The following COG2 variants were observed in gnomAD, a reference collection of about 807,000 sequenced individuals.
COG2 encodes the protein component of oligomeric golgi complex 2.
Under a neutral mutation model 90.6 loss-of-function variants are expected in COG2, and 52 were observed. That is an observed-to-expected ratio of 0.57 (90% confidence interval 0.46 to 0.72). COG2 has a LOEUF of 0.72. Among genes scored for constraint, COG2 ranks in the 30% least tolerant of loss-of-function variants. COG2 has a pLI of 0.00. For synonymous variants in COG2, 337 were observed against 320.4 expected (o/e 1.05, Z -0.55); for missense variants, 829 against 891.2 (o/e 0.93, Z 0.89).
Position 230,671,647 on chromosome 1 carries a change from TA to T in COG2, c.899+10del. 1 of 1,613,064 alleles carries T rather than the reference TA, an allele frequency of 6.2e-7. No individual in the cohort carries two copies. Among genetic ancestry groups the T allele is most frequent in the Non-Finnish European group, 8.5e-7 (1 of 1,179,410 alleles). On this transcript the variant is annotated splice_region_variant and intron_variant, in intron 8 of 17. Coordinates refer to ENST00000366669, the MANE Select transcript of COG2 (RefSeq NM_007357.3). Reference sequence around the variant, plus strand: ...CAGGAGGTGCCATCTCCAGGTAATTTAAACAACCCTGTGTGGACCCCCACCT... The same window carrying T: ...CAGGAGGTGCCATCTCCAGGTAATTTAACAACCCTGTGTGGACCCCCACCT...
intron 17 of COG2, 141 bp from the exon 18 acceptor site, chr1:230,693,151 C>T: frequency 1.8e-6 from 1 of 550,340 alleles, no homozygotes; most frequent in Admixed American, 3.5e-5. Context: ...AAATCCTTTG[C>T]TCTAGAGGAA....
At chr1:230,648,283 A>G (rs901792546) in intron 1 of COG2, among the ~76,000 whole-genome samples, 2 of 152,240 alleles carry the variant, frequency 1.3e-5, no homozygotes, top group Non-Finnish European at 2.9e-5. Context: ...TGTAAGTGTG[A>G]AGGCAACAGC....
intron 1 of COG2, among the ~76,000 whole-genome samples, chr1:230,651,378 G>A (rs1304446198): frequency 6.6e-6 from 1 of 152,146 alleles, no homozygotes; most frequent in Non-Finnish European, 1.5e-5. Context: ...TCTCAGGCGA[G>A]CTTTAAATGA....
chr1:230,672,449 C>CTGCCTGCCCTCCCCTTCCTG (rs1662472776), intron 8 of COG2, among the ~76,000 whole-genome samples: 1 of 152,164 alleles, frequency 6.6e-6, no homozygotes, highest in Non-Finnish European at 1.5e-5. Flanking sequence ...CGTTTTTCCT[C>CTGCCTGCCCTCCCCTTCCTG]TGCCTGCCCT....
chr1:230,678,317 T>C, intron 9 of COG2: 2 of 985,350 alleles, frequency 2.0e-6, no homozygotes, highest in Non-Finnish European at 2.4e-6. Flanking sequence ...ATGATGATGA[T>C]GATGATGATG....
chr1:230,653,661 A>C (rs184606379), intron 1 of COG2, among the ~76,000 whole-genome samples: 1 of 122,488 alleles, frequency 8.2e-6, no homozygotes, highest in East Asian at 2.7e-4. Context: ...GCTAAAACAG[A>C]ATACTTGGGA....
Position 230,691,583 on chromosome 1 carries a change from G to A in COG2, c.2115+19G>A. On this transcript the variant is annotated intron_variant, in intron 17 of 17. Transcript: ENST00000366669. ...AGAGCAGGTAACCCATCAGCCGCCG[G>A]CAGCTCCAGCGAGCCTGAAACCAAA... is the stretch of plus-strand genomic sequence containing the variant. 1 of 1,596,684 alleles carries A rather than the reference G, an allele frequency of 6.3e-7. No homozygotes were observed. The highest frequency in any genetic ancestry group is 8.5e-7 in the Non-Finnish European group (1 of 1,170,954).
chr1:230,663,186 C>T lies in COG2; in HGVS notation c.346C>T (p.Arg116Ter), dbSNP rs933159291. 9.3e-6 allele frequency: 15 copies of T among 1,605,300 alleles called. No individual in the cohort carries two copies. The highest frequency in any genetic ancestry group is 1.4e-5 in the African/African-American group (1 of 73,968). ...VSEGIRAVDE[R>*]MSKQEDIRKK... Reference sequence around the variant, plus strand: ...TGAAGGAATTCGGGCAGTTGATGAACGAATGTCTAAACAAGAGGACATTAG... The same window carrying T: ...TGAAGGAATTCGGGCAGTTGATGAATGAATGTCTAAACAAGAGGACATTAG... Residue 116 changes from arginine (R) to a stop codon, truncating the protein, a stop_gained, in exon 4 of 18, where the codon CGA becomes TGA. Coordinates refer to ENST00000366669, the MANE Select transcript of COG2 (RefSeq NM_007357.3). LOFTEE classifies it high-confidence loss of function.
chr1:230,662,131 C>T (rs1214560583), intron 3 of COG2, among the ~76,000 whole-genome samples: 1 of 152,132 alleles, frequency 6.6e-6, no homozygotes, highest in Non-Finnish European at 1.5e-5. Context: ...GCTGTCTCAC[C>T]TGCAGGCTCT....
chr1:230,650,827 G>C (rs1661898919), intron 1 of COG2, among the ~76,000 whole-genome samples: 2 of 152,048 alleles, frequency 1.3e-5, no homozygotes, highest in Non-Finnish European at 2.9e-5. Flanking sequence ...TATAGTTTCA[G>C]GTCTTACACA....
intron 17 of COG2, 29 bp from the exon 18 acceptor site, chr1:230,693,263 A>C: frequency 3.0e-6 from 4 of 1,314,406 alleles, no homozygotes; most frequent in Non-Finnish European, 4.4e-6. Context: ...GAATTGCAGT[A>C]ACATAATTCA....
At position 230,671,518 on chromosome 1, in the gene COG2, G is replaced by A; in HGVS notation, c.777G>A (p.Val259=). The part of the protein sequence containing the change: ...QVLVKPYIDE[V]IIEQFVESHP... ...AAAAATGATTTTTCTTTTAATAGGT[G>A]ATTATAGAGCAGTTTGTTGAATCTC... is the stretch of plus-strand genomic sequence containing the variant. The change falls in exon 8 of 18, where the codon GTG becomes GTA. Residue 259 remains valine, a splice_region_variant and synonymous_variant. Transcript: ENST00000366669. 2 of 1,608,818 alleles carry A rather than the reference G, an allele frequency of 1.2e-6. No homozygotes were observed. Among genetic ancestry groups the A allele is most frequent in the African/African-American group, 1.3e-5 (1 of 74,668 alleles).
At chr1:230,682,754 G>A (rs1662782005) in intron 10 of COG2, 1 of 152,152 alleles carries the variant, frequency 6.6e-6, no homozygotes, top group Non-Finnish European at 1.5e-5. Context: ...TTCATTACTA[G>A]TAAGGCAATT....
At chr1:230,671,777 G>GT (rs1662455889) in intron 8 of COG2, 137 bp downstream of exon 8, 1 of 778,744 alleles carries the variant, frequency 1.3e-6, no homozygotes, top group Non-Finnish European at 2.0e-6. Context: ...TTATTTCATT[G>GT]TTTCTACTGG....
intron 8 of COG2, among the ~76,000 whole-genome samples, chr1:230,673,141 A>G (rs939892601): frequency 2.0e-5 from 3 of 152,210 alleles, no homozygotes; most frequent in African/African-American, 7.2e-5. Context: ...ATATGAAACA[A>G]TCAGCCATTA....
Position 230,693,014 on chromosome 1 carries a change from A to G in COG2, c.2116-278A>G, listed in dbSNP as rs3789661. Among the ~76,000 whole-genome samples, 45,229 of 151,882 alleles carry G rather than the reference A, an allele frequency of 0.3. 7,528 individuals are homozygous for G. The highest frequency in any genetic ancestry group is 0.58 in the East Asian group (3,000 of 5,140). Reference sequence around the variant, plus strand: ...TCCTCTAGTGTGGATTTTCTTTTCTAGAATGTTTTTAGGCCCACAAAAGAG... The same window carrying G: ...TCCTCTAGTGTGGATTTTCTTTTCTGGAATGTTTTTAGGCCCACAAAAGAG... On this transcript the variant is annotated intron_variant, in intron 17 of 17. Coordinates refer to ENST00000366669, the MANE Select transcript of COG2 (RefSeq NM_007357.3).
At chr1:230,687,402 CT>C (rs1662909678) in intron 13 of COG2, among the ~76,000 whole-genome samples, 1 of 152,158 alleles carries the variant, frequency 6.6e-6, no homozygotes, top group Non-Finnish European at 1.5e-5. Flanking sequence ...ACCCTGCTTC[CT>C]TTTCAGTAGT....
intron 12 of COG2, among the ~76,000 whole-genome samples, chr1:230,686,102 A>T (rs1024673327): frequency 6.6e-6 from 1 of 152,208 alleles, no homozygotes; most frequent in Admixed American, 6.5e-5. Flanking sequence ...AATTCTGTGG[A>T]CCTGGAGAAA....
rs116402358 is a variant in COG2, at chr1:230,686,363, G to A, written c.1381-572G>A. On this transcript the variant is annotated intron_variant, in intron 12 of 17. Transcript: ENST00000366669. ...ACGATTATTCAATTAGGCTAAGCAT[G>A]CGTTCTTGCTAGCCAGGAATTCTCC... is the stretch of plus-strand genomic sequence containing the variant. 4.4e-3 allele frequency among the ~76,000 whole-genome samples: 671 copies of A among 152,302 alleles called. 3 individuals are homozygous for A. The highest frequency in any genetic ancestry group is 0.017 in the Middle Eastern group (5 of 294).
Sources: gnomAD v4.1 joint callset for allele counts (sites outside exome capture counted in the v4.1 genomes callset) on GRCh38, gnomAD v4.1.1 for gene constraint, MANE v1.5 for transcripts, NCBI Gene and HGNC (gene_info 2026-07-23, HGNC 2026-07-21) for gene names.